MECOM: variants seen among roughly 807,000 people sequenced by gnomAD.
MECOM encodes MDS1 and EVI1 complex locus, also known as histone-lysine N-methyltransferase MECOM.
MECOM carries 13 observed loss-of-function variants against 116.3 expected under a neutral mutation model. The ratio of observed to expected loss-of-function variants is 0.11; its 90% confidence interval spans 0.07 to 0.18. The LOEUF is 0.18. MECOM is among the 10% of genes least tolerant of loss of function. The probability of loss-of-function intolerance (pLI) is 1.00; values close to 1 mark genes in which losing one functional copy is unlikely to be tolerated. For synonymous variants in MECOM, 528 were observed against 535.2 expected, an observed-to-expected ratio of 0.99 and a Z score of 0.19; for missense variants, 1,299 against 1,509.0, an observed-to-expected ratio of 0.86 and a Z score of 2.31.
chr3:169,563,245 G>T (rs1762861170), intron 1 of MECOM, among the ~76,000 whole-genome samples: 2 of 152,122 alleles, frequency 1.3e-5, no homozygotes, highest in South Asian at 4.1e-4. Context: ...CCAGCAGACT[G>T]CTCTGCCCTG....
intron 2 of MECOM, among the ~76,000 whole-genome samples, chr3:169,306,422 C>T (rs1717709998): frequency 6.6e-6 from 1 of 152,218 alleles, no homozygotes; most frequent in South Asian, 2.1e-4. Context: ...TGGCTCACTC[C>T]TGTAATCCCA....
At chr3:169,472,936 A>G (rs1184624721) in intron 1 of MECOM, 1 of 974,576 alleles carries the variant, frequency 1.0e-6, no homozygotes, top group African/African-American at 1.8e-5. Context: ...AATATTTACT[A>G]GGCCCCTACT....
intron 12 of MECOM, among the ~76,000 whole-genome samples, chr3:169,100,086 T>TTTCC (rs1723020429): frequency 9.5e-6 from 1 of 105,652 alleles, no homozygotes; most frequent in African/African-American, 3.7e-5. Flanking sequence ...TTTTTCTTTC[T>TTTCC]TTCTTTCTTT....
intron 2 of MECOM, among the ~76,000 whole-genome samples, chr3:169,239,772 G>C (rs1267506538): frequency 6.6e-6 from 1 of 152,056 alleles, no homozygotes; most frequent in Non-Finnish European, 1.5e-5. Flanking sequence ...AAGGAAATTA[G>C]TAACAGAAAC....
intron 1 of MECOM, among the ~76,000 whole-genome samples, chr3:169,418,668 C>A (rs1439074359): frequency 6.6e-6 from 1 of 152,086 alleles, no homozygotes; most frequent in East Asian, 1.9e-4. Context: ...TCAATAGATG[C>A]AGAAAAGGCC....
At chr3:169,220,976 A>G (rs925811428) in intron 2 of MECOM, among the ~76,000 whole-genome samples, 1 of 152,218 alleles carries the variant, frequency 6.6e-6, no homozygotes, top group Non-Finnish European at 1.5e-5. Flanking sequence ...AAGAAAATCG[A>G]AGAAGAAGAT....
chr3:169,244,565 C>T (rs2149561990), intron 2 of MECOM, among the ~76,000 whole-genome samples: 1 of 152,288 alleles, frequency 6.6e-6, no homozygotes, highest in African/African-American at 2.4e-5. Flanking sequence ...TGTGGGGATT[C>T]GGTCCATGTG....
intron 2 of MECOM, among the ~76,000 whole-genome samples, chr3:169,180,973 A>G: frequency 6.6e-6 from 1 of 151,908 alleles, no homozygotes; most frequent in East Asian, 1.9e-4. Flanking sequence ...TGAAACTAAT[A>G]AGAGTTATAA....
intron 1 of MECOM, among the ~76,000 whole-genome samples, chr3:169,526,688 A>G (rs538575641): frequency 4.6e-5 from 7 of 152,030 alleles, no homozygotes; most frequent in African/African-American, 1.7e-4. Context: ...TTTAATTCTG[A>G]GAAGCCACAA....
intron 2 of MECOM, among the ~76,000 whole-genome samples, chr3:169,326,023 T>A (rs982166884): frequency 6.6e-6 from 1 of 151,864 alleles, no homozygotes; most frequent in Non-Finnish European, 1.5e-5. Context: ...AGGGCAGAGA[T>A]AACATGGCAC....
chr3:169,372,338 A>G (rs1290788), intron 2 of MECOM, among the ~76,000 whole-genome samples: 121,640 of 152,008 alleles, frequency 0.8, 49,124 homozygotes, highest in African/African-American at 0.91. Flanking sequence ...AATAAAGATC[A>G]GCAAAGAAAA....
chr3:169,625,547 T>C lies in MECOM; in HGVS notation c.37+37789A>G, dbSNP rs575032301. On this transcript the variant is annotated intron_variant, in intron 1 of 16. Coordinates refer to ENST00000651503, the MANE Select transcript of MECOM (RefSeq NM_004991.4). ...GAAACAAGTTCAGTTCCCTGAAAAA[T>C]AGGAAGTTTCACTGTGTAAGAAATA... Among the ~76,000 whole-genome samples, 25 of 152,174 alleles carry C rather than the reference T, an allele frequency of 1.6e-4. No individual in the cohort carries two copies. In the South Asian group the frequency reaches 4.8e-3, roughly 29 times the overall value.
chr3:169,418,125 C>CA (rs568727385), intron 1 of MECOM, among the ~76,000 whole-genome samples: 1,791 of 118,126 alleles, frequency 0.015, 22 homozygotes, highest in African/African-American at 0.033. Context: ...AAAAACTAAA[C>CA]AAAAAAAAAA....
At chr3:169,135,473 G>A (rs1331679621) in intron 3 of MECOM, among the ~76,000 whole-genome samples, 1 of 151,888 alleles carries the variant, frequency 6.6e-6, no homozygotes, top group African/African-American at 2.4e-5. Flanking sequence ...AATATAAGGT[G>A]AAAGACAAGA....
chr3:169,348,407 A>G (rs1189760416), intron 2 of MECOM, among the ~76,000 whole-genome samples: 6 of 151,988 alleles, frequency 3.9e-5, no homozygotes, highest in Admixed American at 2.0e-4. Context: ...ATTCTATTGC[A>G]CTTATGGGAA....
chr3:169,191,737 AAAGAGAAAG>A (rs1747654260), intron 2 of MECOM, among the ~76,000 whole-genome samples: 1 of 32,866 alleles, frequency 3.0e-5, no homozygotes. Flanking sequence ...AGAAAGAAAG[AAAGAGAAAG>A]AAAGAAAGAA....
intron 2 of MECOM, among the ~76,000 whole-genome samples, chr3:169,263,986 T>G (rs1757955102): frequency 1.3e-5 from 2 of 151,172 alleles, no homozygotes; most frequent in South Asian, 4.2e-4. Context: ...AATGTAGAAA[T>G]AAGAAAAACA....
At chr3:169,651,874 G>C (rs1423206692) in intron 1 of MECOM, among the ~76,000 whole-genome samples, 1 of 152,114 alleles carries the variant, frequency 6.6e-6, no homozygotes, top group Non-Finnish European at 1.5e-5. Flanking sequence ...AAATCTGCTG[G>C]AAGCTACACT....
chr3:169,109,044 C>A (rs1050607965), intron 9 of MECOM, among the ~76,000 whole-genome samples: 5 of 152,134 alleles, frequency 3.3e-5, no homozygotes, highest in African/African-American at 1.2e-4. Context: ...AGTGTAATTG[C>A]AAAATGACTT....
Sources: allele counts gnomAD v4.1 joint callset (sites outside exome capture counted in the v4.1 genomes callset), GRCh38; gene constraint gnomAD v4.1.1; transcripts MANE v1.5; gene names NCBI Gene and HGNC (gene_info 2026-07-23, HGNC 2026-07-21).